Variants in CTNNA2 observed in about 807,000 individuals in gnomAD.
CTNNA2 encodes catenin alpha 2.
CTNNA2 carries 42 observed loss-of-function variants against 101.0 expected under a neutral mutation model. The ratio of observed to expected loss-of-function variants is 0.42; its 90% confidence interval spans 0.32 to 0.54. The LOEUF (loss-of-function observed/expected upper bound fraction) is 0.54, where lower values mean the gene tolerates loss of function less well. CTNNA2 is among the 20% of genes least tolerant of loss of function. The probability of loss-of-function intolerance (pLI) is 0.14; values close to 1 mark genes in which losing one functional copy is unlikely to be tolerated. For missense variants in CTNNA2, 871 were observed against 1,223.1 expected, an observed-to-expected ratio of 0.71 and a Z score of 4.29; for synonymous variants, 450 against 456.4, an observed-to-expected ratio of 0.99 and a Z score of 0.18.
Position 80,358,738 on chromosome 2 carries a change from A to G in CTNNA2, c.1057-34473A>G, listed in dbSNP as rs577546406. ...TTTCCTTGTATATCTTTAAGTAGAT[A>G]TATAAAATGTTATATCTCAAGTCTA... On this transcript the variant is annotated intron_variant, in intron 7 of 18. Coordinates refer to ENST00000402739, the MANE Select transcript of CTNNA2 (RefSeq NM_001282597.3). Among the ~76,000 whole-genome samples the G allele has an allele frequency of 3.0e-4, 46 of 152,296 alleles. No individual in the cohort carries two copies. In the South Asian group the frequency reaches 9.3e-3, roughly 31 times the overall value.
chr2:79,200,379 G>A (rs1283830354), intron 2 of CTNNA2, among the ~76,000 whole-genome samples: 7 of 135,720 alleles, frequency 5.2e-5, no homozygotes, highest in African/African-American at 1.2e-4. Context: ...GAGAGACTCC[G>A]TCTCAAAAAA....
chr2:80,134,149 G>T (rs2148898853), intron 7 of CTNNA2, among the ~76,000 whole-genome samples: 1 of 152,204 alleles, frequency 6.6e-6, no homozygotes, highest in South Asian at 2.1e-4. Flanking sequence ...TTCAACTCTA[G>T]CTTCACCCAA....
chr2:80,453,302 G>A (rs1326160331), intron 9 of CTNNA2, among the ~76,000 whole-genome samples: 2 of 152,068 alleles, frequency 1.3e-5, no homozygotes, highest in African/African-American at 4.8e-5. Context: ...AGGGATAGGG[G>A]CTGACTAAGC....
intron 9 of CTNNA2, among the ~76,000 whole-genome samples, chr2:80,492,452 G>T (rs1444461922): frequency 2.0e-5 from 3 of 152,166 alleles, no homozygotes; most frequent in African/African-American, 7.2e-5. Context: ...TTTGAAATTT[G>T]TCACTATCCC....
intron 7 of CTNNA2, among the ~76,000 whole-genome samples, chr2:79,955,389 C>T (rs553156217): frequency 1.3e-5 from 2 of 152,260 alleles, no homozygotes; most frequent in South Asian, 4.1e-4. Context: ...GGGAGGATGA[C>T]TTTATTTCTT....
At chr2:80,391,416 T>A (rs1677504635) in intron 7 of CTNNA2, among the ~76,000 whole-genome samples, 1 of 152,198 alleles carries the variant, frequency 6.6e-6, no homozygotes. Context: ...CTTTTCACTT[T>A]GAAAAGTTTA....
rs114950836 is a variant in CTNNA2 at position 79,305,085 on chromosome 2, G to A, written c.-405-7624G>A. Among the ~76,000 whole-genome samples, 1,323 of 152,148 alleles carry A rather than the reference G, an allele frequency of 8.7e-3. 21 individuals carry two copies. The highest frequency in any genetic ancestry group is 0.03 in the African/African-American group (1,238 of 41,500). On this transcript the variant is annotated intron_variant, in intron 2 of 21. Transcript: ENST00000466387. The stretch of plus-strand genomic sequence containing the variant: ...ACATAATAGTGACAAGGGGAATTCT[G>A]TGTGTACAGAGGCAAAGCAGTGCAT...
intron 3 of CTNNA2, among the ~76,000 whole-genome samples, chr2:79,352,366 G>A (rs1222575932): frequency 6.6e-6 from 1 of 151,950 alleles, no homozygotes; most frequent in Non-Finnish European, 1.5e-5. Context: ...CCTAATTTGT[G>A]TGCATAGAGG....
chr2:79,238,543 T>C (rs1674585622), intron 2 of CTNNA2, among the ~76,000 whole-genome samples: 1 of 152,214 alleles, frequency 6.6e-6, no homozygotes, highest in African/African-American at 2.4e-5. Context: ...AGCATTCAAT[T>C]TGTATTAAAA....
intron 8 of CTNNA2, among the ~76,000 whole-genome samples, 189 bp downstream of exon 8, chr2:80,393,480 C>A (rs1677714850): frequency 6.6e-6 from 1 of 152,152 alleles, no homozygotes; most frequent in South Asian, 2.1e-4. Context: ...CAGTTGCAAG[C>A]AAGGAGACAG....
chr2:79,820,722 C>T (rs1354955488), intron 3 of CTNNA2, among the ~76,000 whole-genome samples: 2 of 152,178 alleles, frequency 1.3e-5, no homozygotes, highest in Non-Finnish European at 2.9e-5. Flanking sequence ...GTTTACTGGT[C>T]TTTCATCTTC....
At chr2:80,592,545 G>T (rs1696603229) in intron 15 of CTNNA2, among the ~76,000 whole-genome samples, 1 of 152,156 alleles carries the variant, frequency 6.6e-6, no homozygotes, top group South Asian at 2.1e-4. Context: ...TTCCACCTGA[G>T]TTCTCGAAAT....
intron 7 of CTNNA2, among the ~76,000 whole-genome samples, chr2:80,021,750 C>T (rs934561897): frequency 7.9e-5 from 12 of 151,886 alleles, no homozygotes; most frequent in Non-Finnish European, 2.9e-5. Context: ...AAAATCTACA[C>T]TCAGCAATTT....
chr2:80,031,067 T>G (rs1448256135), intron 7 of CTNNA2, among the ~76,000 whole-genome samples: 1 of 152,236 alleles, frequency 6.6e-6, no homozygotes, highest in Non-Finnish European at 1.5e-5. Flanking sequence ...TATTTTTTAA[T>G]GTGCATATCT....
At chr2:80,596,267 T>C (rs1696945307) in intron 15 of CTNNA2, among the ~76,000 whole-genome samples, 1 of 129,002 alleles carries the variant, frequency 7.8e-6, no homozygotes, top group Non-Finnish European at 1.6e-5. Flanking sequence ...TTTTTTGGGC[T>C]GAGACAAGGT....
intron 7 of CTNNA2, among the ~76,000 whole-genome samples, chr2:80,244,290 G>A (rs1447877451): frequency 1.3e-5 from 2 of 152,176 alleles, no homozygotes; most frequent in Non-Finnish European, 2.9e-5. Context: ...TGACTAACAT[G>A]TGATGTTCAG....
chr2:80,471,526 C>T (rs1685302658), intron 9 of CTNNA2, among the ~76,000 whole-genome samples: 1 of 152,144 alleles, frequency 6.6e-6, no homozygotes, highest in African/African-American at 2.4e-5. Context: ...TGTTTAGAGG[C>T]AGGAGCCAGG....
chr2:80,536,702 A>C (rs776030638), intron 9 of CTNNA2, among the ~76,000 whole-genome samples: 2 of 152,194 alleles, frequency 1.3e-5, no homozygotes, highest in African/African-American at 2.4e-5. Flanking sequence ...AGAGGTTTTT[A>C]ATGTCTAATT....
chr2:79,192,215 T>C (rs1673883736), intron 1 of CTNNA2, among the ~76,000 whole-genome samples: 1 of 152,114 alleles, frequency 6.6e-6, no homozygotes, highest in Non-Finnish European at 1.5e-5. Flanking sequence ...TTGCTAAGGT[T>C]TCTCTGGGGT....
Sources: allele counts gnomAD v4.1 joint callset (sites outside exome capture counted in the v4.1 genomes callset), GRCh38; gene constraint gnomAD v4.1.1; transcripts MANE v1.5; gene names NCBI Gene and HGNC (gene_info 2026-07-23, HGNC 2026-07-21).